The following SLC67A1 variants were observed in gnomAD, a reference collection of about 807,000 sequenced individuals.
SLC67A1 encodes the protein solute carrier family 67 member 1, also known as solute carrier family 67 member A1.
chr11:2,915,195 C>G, the SLC67A1 span: 6 of 985,210 alleles, frequency 6.1e-6, no homozygotes, highest in Non-Finnish European at 7.2e-6. Context: ...AGAGGTGGCC[C>G]CACTGACTGT....
chr11:2,923,288 C>T, the SLC67A1 span, among the ~76,000 whole-genome samples: 2 of 151,946 alleles, frequency 1.3e-5, no homozygotes, highest in African/African-American at 4.8e-5. The surrounding 1 kb of genome is among the most constrained non-coding windows in gnomAD (Gnocchi z 6.5). Context: ...GCTCAGGGCA[C>T]ACATCTGACA....
chr11:2,905,065 G>A, the SLC67A1 span, among the ~76,000 whole-genome samples: 1 of 152,218 alleles, frequency 6.6e-6, no homozygotes, highest in Admixed American at 6.5e-5. Flanking sequence ...CAGGAGGAGA[G>A]GGAAAGATGG....
chr11:2,902,729 GCTA>G, the SLC67A1 span: 1 of 985,516 alleles, frequency 1.0e-6, no homozygotes, highest in Non-Finnish European at 1.2e-6. Flanking sequence ...GTAAGGCAGA[GCTA>G]CTGGGGAGCC....
At chr11:2,917,112 T>G in the SLC67A1 span, 1 of 263,534 alleles carries the variant, frequency 3.8e-6, no homozygotes, top group African/African-American at 2.2e-5. Context: ...CTCCGGAAGC[T>G]CTGAGTGTCC....
the SLC67A1 span, among the ~76,000 whole-genome samples, chr11:2,911,970 G>A: frequency 6.6e-6 from 1 of 152,188 alleles, no homozygotes; most frequent in African/African-American, 2.4e-5. Context: ...GATCTGAGGC[G>A]CTTTACAATC....
the SLC67A1 span, among the ~76,000 whole-genome samples, chr11:2,912,649 T>C: frequency 6.6e-6 from 1 of 152,080 alleles, no homozygotes; most frequent in South Asian, 2.1e-4. Context: ...GGCACTGGTA[T>C]AACTGGTTTG....
the SLC67A1 span, chr11:2,899,710 AGCCTGTTCAT>A: frequency 6.8e-7 from 1 of 1,476,716 alleles, no homozygotes; most frequent in Non-Finnish European, 9.0e-7. Flanking sequence ...ATTCACACTG[AGCCTGTTCAT>A]GACAAAAAAA....
the SLC67A1 span, among the ~76,000 whole-genome samples, chr11:2,901,174 T>C: frequency 6.6e-6 from 1 of 152,226 alleles, no homozygotes; most frequent in South Asian, 2.1e-4. Flanking sequence ...CCGAAGCTGC[T>C]TCTGAGGCCT....
At chr11:2,909,656 G>GCGT in the SLC67A1 span, 4 of 1,538,890 alleles carry the variant, frequency 2.6e-6, no homozygotes, top group South Asian at 3.6e-5. Flanking sequence ...CTCTGCTTCG[G>GCGT]CGTCGGAGTC....
chr11:2,923,892 T>G, the SLC67A1 span, among the ~76,000 whole-genome samples: 1 of 152,132 alleles, frequency 6.6e-6, no homozygotes, highest in Non-Finnish European at 1.5e-5. This position sits in a 1 kb window ranked among gnomAD's most constrained non-coding sequence, Gnocchi z 6.5. Flanking sequence ...GCACCCTGAG[T>G]CTGCAGAAGA....
chr11:2,912,289 C>T, the SLC67A1 span, among the ~76,000 whole-genome samples: 1 of 152,234 alleles, frequency 6.6e-6, no homozygotes, highest in Admixed American at 6.5e-5. Context: ...CTCGGGGGCT[C>T]ACCGAAGGCA....
chr11:2,901,826 G>C, the SLC67A1 span, among the ~76,000 whole-genome samples: 1 of 152,178 alleles, frequency 6.6e-6, no homozygotes, highest in African/African-American at 2.4e-5. Flanking sequence ...GCAGGGCCAG[G>C]CTACACCACA....
chr11:2,911,562 G>A, the SLC67A1 span, among the ~76,000 whole-genome samples: 5 of 152,208 alleles, frequency 3.3e-5, no homozygotes, highest in African/African-American at 9.6e-5. Context: ...TGAGCTGGGC[G>A]GCTGCCATCC....
the SLC67A1 span, among the ~76,000 whole-genome samples, chr11:2,905,415 G>T: frequency 6.6e-6 from 1 of 152,228 alleles, no homozygotes; most frequent in Non-Finnish European, 1.5e-5. Flanking sequence ...GGACCTCAGG[G>T]AGAGGGGAGA....
At chr11:2,917,049 G>GGGAGGC in the SLC67A1 span, 3 of 356,584 alleles carry the variant, frequency 8.4e-6, no homozygotes, top group South Asian at 4.5e-5. Flanking sequence ...GCCCAGAGAG[G>GGGAGGC]CCTGGGGAGG....
the SLC67A1 span, chr11:2,915,104 C>CA: frequency 1.0e-6 from 1 of 985,378 alleles, no homozygotes; most frequent in African/African-American, 1.7e-5. Flanking sequence ...GTGGATATGC[C>CA]AGCACCCCCC....
At chr11:2,909,134 G>C in the SLC67A1 span, 3 of 1,412,884 alleles carry the variant, frequency 2.1e-6, no homozygotes, top group Non-Finnish European at 2.8e-6. Context: ...GGCAGCCCCT[G>C]GACGGGGGGA....
At chr11:2,901,384 G>A in the SLC67A1 span, among the ~76,000 whole-genome samples, 1 of 152,252 alleles carries the variant, frequency 6.6e-6, no homozygotes, top group Admixed American at 6.5e-5. Flanking sequence ...TCTCACCCCT[G>A]CAGTTTTCTG....
the SLC67A1 span, chr11:2,916,731 C>G: frequency 6.2e-7 from 1 of 1,612,788 alleles, no homozygotes; most frequent in Non-Finnish European, 8.5e-7. Context: ...CGCCCAGGCT[C>G]CACTGCCAGG....
Sources: gnomAD v4.1 joint callset for allele counts (sites outside exome capture counted in the v4.1 genomes callset) on GRCh38, gnomAD v4.1.1 for gene constraint, Gnocchi (gnomAD v3.1) non-coding constraint, MANE v1.5 for transcripts, NCBI Gene and HGNC (gene_info 2026-07-23, HGNC 2026-07-21) for gene names.